Variants in FOXN3 observed in about 807,000 individuals in gnomAD.
FOXN3 encodes forkhead box protein N3.
In FOXN3, 7 loss-of-function variants were observed where a neutral mutation model predicts 38.4. The observed-to-expected ratio is 0.18, with a 90% confidence interval of 0.10 to 0.34. FOXN3 has a LOEUF of 0.34. Ranked by LOEUF, FOXN3 falls within the 10% of genes least tolerant of loss-of-function variation. The probability of loss-of-function intolerance (pLI) is 1.00; values close to 1 mark genes in which losing one functional copy is unlikely to be tolerated. For missense variants in FOXN3, 456 were observed against 613.4 expected (o/e 0.74, Z 2.71); for synonymous variants, 230 against 242.2 (o/e 0.95, Z 0.47).
intron 1 of FOXN3, among the ~76,000 whole-genome samples, chr14:89,422,336 T>C (rs926295662): frequency 6.6e-6 from 1 of 152,218 alleles, no homozygotes; most frequent in African/African-American, 2.4e-5. Flanking sequence ...GGCTTGAGGA[T>C]GTGAATCTCT....
intron 1 of FOXN3, among the ~76,000 whole-genome samples, chr14:89,571,039 C>G (rs140788688): frequency 6.6e-5 from 10 of 152,314 alleles, no homozygotes; most frequent in Non-Finnish European, 1.3e-4. Flanking sequence ...AGCCCATGCA[C>G]TGTACTCAGC....
At chr14:89,294,854 T>A (rs971614473) in intron 3 of FOXN3, among the ~76,000 whole-genome samples, 4 of 152,208 alleles carry the variant, frequency 2.6e-5, no homozygotes, top group African/African-American at 9.6e-5. Context: ...GCTCTATATA[T>A]GAAGTAGCCA....
At chr14:89,539,584 C>T (rs1894756970) in intron 1 of FOXN3, among the ~76,000 whole-genome samples, 2 of 152,234 alleles carry the variant, frequency 1.3e-5, no homozygotes, top group South Asian at 2.1e-4. Flanking sequence ...TCACCACTTA[C>T]ATTGTGTGAC....
At chr14:89,523,151 A>C (rs1894356643) in intron 1 of FOXN3, among the ~76,000 whole-genome samples, 1 of 152,204 alleles carries the variant, frequency 6.6e-6, no homozygotes. Context: ...GGAGTCAGTT[A>C]ATCAAAAGAA....
Position 89,279,640 on chromosome 14 carries a change from T to A in FOXN3, c.745+1310A>T, listed in dbSNP as rs138021010. 4.6e-5 allele frequency among the ~76,000 whole-genome samples: 7 copies of A among 152,322 alleles called. No homozygotes were observed. The East Asian group carries it at 1.3e-3, about 29-fold the overall frequency. On this transcript the variant is annotated intron_variant, in intron 4 of 5. Coordinates refer to ENST00000557258, the MANE Select transcript of FOXN3 (RefSeq NM_005197.4). ...AAACAGAATAGATTTTTTTAAATTA[T>A]GTGTTAATTTTTGAGAGTGGAGGGA...
At chr14:89,556,500 G>A (rs1895128203) in intron 1 of FOXN3, among the ~76,000 whole-genome samples, 1 of 152,076 alleles carries the variant, frequency 6.6e-6, no homozygotes, top group African/African-American at 2.4e-5. Context: ...AGGGTGGAGG[G>A]GAATTAGGAG....
chr14:89,565,813 C>A (rs1044238045), intron 1 of FOXN3, among the ~76,000 whole-genome samples: 3 of 152,176 alleles, frequency 2.0e-5, no homozygotes, highest in African/African-American at 7.2e-5. Context: ...TCAGATCTGG[C>A]CTGCAGCCCT....
chr14:89,201,177 T>C (rs74077106), intron 4 of FOXN3, among the ~76,000 whole-genome samples: 2,480 of 152,298 alleles, frequency 0.016, 68 homozygotes, highest in African/African-American at 0.056. Context: ...CTCTTCCCCT[T>C]TGCATCTCAT....
rs1891229740 is a variant in FOXN3 at position 89,400,998 on chromosome 14, G to C, written c.543+10936C>G. Among the ~76,000 whole-genome samples, 3 of 152,248 alleles carry C rather than the reference G, an allele frequency of 2.0e-5. No homozygotes were observed. In the South Asian group the frequency reaches 6.2e-4, roughly 32 times the overall value. On this transcript the variant is annotated intron_variant, in intron 2 of 5. Coordinates refer to ENST00000557258, the MANE Select transcript of FOXN3 (RefSeq NM_005197.4). ...TGGAAGGTCTAGGAGAGCAGCCAGG[G>C]ACCCGCCAGAGGTCACCACTGTATC...
chr14:89,387,285 A>G (rs1020474587), intron 2 of FOXN3, among the ~76,000 whole-genome samples: 16 of 152,216 alleles, frequency 1.1e-4, no homozygotes, highest in Admixed American at 7.9e-4. Context: ...CAATAAACAA[A>G]CCAACCAATT....
intron 1 of FOXN3, among the ~76,000 whole-genome samples, chr14:89,457,602 A>T (rs1892752867): frequency 6.6e-6 from 1 of 152,234 alleles, no homozygotes; most frequent in Non-Finnish European, 1.5e-5. Flanking sequence ...GTGAAAAATC[A>T]TGGAAATCCA....
In FOXN3 at chr14:89,538,009, T is replaced by C. The variant is rs17126013; in HGVS notation, c.-15+81019A>G. 5.3e-5 allele frequency among the ~76,000 whole-genome samples: 8 copies of C among 152,172 alleles called. 1 individual carries two copies. Among genetic ancestry groups the C allele is most frequent in the South Asian group, 2.1e-4 (1 of 4,834 alleles). ...CTATCCTTTCTTCTGAGGCTTTCAA[T>C]TGGAACTGAAAACACAATTACTAAT... is the stretch of plus-strand genomic sequence containing the variant. On this transcript the variant is annotated intron_variant, in intron 1 of 6. Coordinates refer to the FOXN3 transcript ENST00000345097.
At chr14:89,482,989 C>T (rs951497901) in intron 1 of FOXN3, among the ~76,000 whole-genome samples, 2 of 152,094 alleles carry the variant, frequency 1.3e-5, no homozygotes, top group African/African-American at 4.8e-5. Flanking sequence ...GGATAGATCA[C>T]TTGAGGCCAG....
At chr14:89,416,178 AC>A (rs1891716506) in intron 1 of FOXN3, among the ~76,000 whole-genome samples, 1 of 152,132 alleles carries the variant, frequency 6.6e-6, no homozygotes, top group Admixed American at 6.5e-5. Flanking sequence ...CTTGTCAAAA[AC>A]ATTTCAAGGG....
intron 1 of FOXN3, among the ~76,000 whole-genome samples, chr14:89,561,260 TAG>T (rs1188071692): frequency 6.6e-6 from 1 of 152,272 alleles, no homozygotes; most frequent in Non-Finnish European, 1.5e-5. Flanking sequence ...TTGCCCAGGC[TAG>T]AGTGCAAGAG....
chr14:89,342,266 G>A (rs1888638836), intron 3 of FOXN3, among the ~76,000 whole-genome samples: 1 of 152,188 alleles, frequency 6.6e-6, no homozygotes, highest in South Asian at 2.1e-4. Flanking sequence ...AAGTGAGTGT[G>A]AAAACAGAAT....
intron 1 of FOXN3, among the ~76,000 whole-genome samples, chr14:89,606,034 AAAGT>A (rs1030955835): frequency 5.3e-5 from 8 of 152,204 alleles, no homozygotes; most frequent in African/African-American, 1.9e-4. Context: ...ATTAAAAAAA[AAAGT>A]AAGCAAGCAT....
chr14:89,616,550 G>A (rs1452796033), intron 1 of FOXN3, among the ~76,000 whole-genome samples: 1 of 95,886 alleles, frequency 1.0e-5, no homozygotes, highest in South Asian at 4.0e-4. Context: ...ACACACAAAC[G>A]CAGCCTTCAA....
intron 4 of FOXN3, among the ~76,000 whole-genome samples, chr14:89,239,920 T>G (rs1435103214): frequency 6.6e-6 from 1 of 152,206 alleles, no homozygotes; most frequent in Non-Finnish European, 1.5e-5. Flanking sequence ...CAAGAGGGTC[T>G]GCACCCAAGT....
Sources: allele counts gnomAD v4.1 joint callset (sites outside exome capture counted in the v4.1 genomes callset), GRCh38; gene constraint gnomAD v4.1.1; transcripts MANE v1.5; gene names NCBI Gene and HGNC (gene_info 2026-07-23, HGNC 2026-07-21).